Variants in CLEC16A observed in about 807,000 individuals in gnomAD.
CLEC16A encodes the protein C-type lectin domain containing 16A.
CLEC16A carries 51 observed loss-of-function variants against 109.5 expected under a neutral mutation model. The ratio of observed to expected loss-of-function variants is 0.47; its 90% CI spans 0.37 to 0.59. The LOEUF (loss-of-function observed/expected upper bound fraction) is 0.59. Among genes scored for constraint, CLEC16A ranks in the 20% least tolerant of loss-of-function variants. The pLI, the probability that CLEC16A is intolerant of heterozygous loss-of-function variation, is 0.00. For synonymous variants in CLEC16A, 673 were observed against 564.2 expected, an observed-to-expected ratio of 1.19 and a Z score of -2.73; for missense variants, 1,339 against 1,394.0, an observed-to-expected ratio of 0.96 and a Z score of 0.63.
intron 2 of CLEC16A, among the ~76,000 whole-genome samples, chr16:10,958,254 C>A (rs534872304): frequency 2.2e-4 from 33 of 152,264 alleles, no homozygotes; most frequent in Non-Finnish European, 4.4e-4. Context: ...CTGGGGGAGT[C>A]CCTGAGGGCT....
chr16:11,145,231 A>G (rs1007581106), intron 22 of CLEC16A, among the ~76,000 whole-genome samples: 3 of 152,182 alleles, frequency 2.0e-5, no homozygotes, highest in Admixed American at 1.3e-4. Context: ...TACTCCGACC[A>G]CACACAGCCC....
intron 1 of CLEC16A, among the ~76,000 whole-genome samples, chr16:10,956,480 C>T (rs2041993101): frequency 6.6e-6 from 1 of 152,146 alleles, no homozygotes; most frequent in East Asian, 1.9e-4. Flanking sequence ...GAGAGGAGGG[C>T]CCTTTTCCTG....
chr16:11,158,976 C>G (rs1344552887), intron 22 of CLEC16A, among the ~76,000 whole-genome samples: 1 of 151,724 alleles, frequency 6.6e-6, no homozygotes, highest in Non-Finnish European at 1.5e-5. Context: ...AAACGGCTCA[C>G]AAGATAGATG....
intron 19 of CLEC16A, among the ~76,000 whole-genome samples, chr16:11,068,665 CCT>C (rs2152921674): frequency 6.6e-6 from 1 of 152,326 alleles, no homozygotes; most frequent in East Asian, 1.9e-4. Context: ...CCCTGACTCC[CCT>C]CTTTCTCTCA....
At chr16:11,061,578 A>T (rs1839263904) in intron 19 of CLEC16A, among the ~76,000 whole-genome samples, 1 of 152,228 alleles carries the variant, frequency 6.6e-6, no homozygotes. Context: ...GACAATGGGC[A>T]TAAAGCCTGA....
In CLEC16A at chr16:10,978,453, G is replaced by A. The variant is rs148425411; in HGVS notation, c.904-876G>A. Among the ~76,000 whole-genome samples the A allele has an allele frequency of 1.6e-3, 246 of 152,300 alleles. 1 individual carries two copies. Among genetic ancestry groups the A allele is most frequent in the African/African-American group, 5.6e-3 (234 of 41,558 alleles). ...GTAAATAAAAGAAAGTGTATTTTTAGTAGAAACGGGGTTTCACCATGTTGG... is the reference window on the plus strand; with the variant it reads ...GTAAATAAAAGAAAGTGTATTTTTAATAGAAACGGGGTTTCACCATGTTGG... On this transcript the variant is annotated intron_variant, in intron 8 of 23. Transcript: ENST00000409790.
chr16:11,091,588 G>A (rs56792025), intron 19 of CLEC16A, among the ~76,000 whole-genome samples: 10,729 of 152,258 alleles, frequency 0.07, 385 homozygotes, highest in East Asian at 0.12. Flanking sequence ...GGGTAAATGG[G>A]TACTCCGCAG....
At chr16:11,065,162 T>G (rs1177359443) in intron 19 of CLEC16A, among the ~76,000 whole-genome samples, 2 of 152,180 alleles carry the variant, frequency 1.3e-5, no homozygotes, top group African/African-American at 4.8e-5. Flanking sequence ...CAAGCAGGCT[T>G]TGAGGAGAAA....
chr16:11,049,486 G>GTTTGTT (rs2047822058), intron 17 of CLEC16A, among the ~76,000 whole-genome samples: 1 of 151,894 alleles, frequency 6.6e-6, no homozygotes, highest in Non-Finnish European at 1.5e-5. Context: ...TTTTTTGTTT[G>GTTTGTT]TTTGTTTGTT....
intron 22 of CLEC16A, chr16:11,156,453 A>G: frequency 2.3e-6 from 1 of 437,776 alleles, no homozygotes; most frequent in South Asian, 1.9e-5. Flanking sequence ...AAGCAGGGCC[A>G]TAGTGACCCA....
In CLEC16A at chr16:11,116,950, G is replaced by A. The variant is rs190206469; in HGVS notation, c.2117-3665G>A. ...TCAACCCAGGTGCCCATCAATGGTG[G>A]ACTGAATGAAGAAAATGTAGTACGT... On this transcript the variant is annotated intron_variant, in intron 19 of 23. Transcript: ENST00000409790. 1.6e-3 allele frequency among the ~76,000 whole-genome samples: 246 copies of A among 152,304 alleles called. 2 individuals are homozygous for A. The highest frequency in any genetic ancestry group is 2.7e-3 in the Admixed American group (41 of 15,298).
chr16:11,155,391 C>T (rs925839888), intron 22 of CLEC16A, among the ~76,000 whole-genome samples: 1 of 152,222 alleles, frequency 6.6e-6, no homozygotes, highest in African/African-American at 2.4e-5. Context: ...ACCACCGTAT[C>T]CTGTAGCCAG....
chr16:11,081,096 G>T (rs768464927), intron 19 of CLEC16A, among the ~76,000 whole-genome samples: 1 of 152,332 alleles, frequency 6.6e-6, no homozygotes, highest in African/African-American at 2.4e-5. Context: ...GAACAGGCAG[G>T]CAGGAGACAG....
intron 22 of CLEC16A, chr16:11,157,308 A>G: frequency 9.6e-7 from 1 of 1,043,730 alleles, no homozygotes; most frequent in Non-Finnish European, 1.2e-6. Context: ...GGCCATACGA[A>G]CATCCCTTCC....
chr16:11,139,219 C>A (rs1216841828), intron 22 of CLEC16A, among the ~76,000 whole-genome samples: 1 of 152,084 alleles, frequency 6.6e-6, no homozygotes, highest in Non-Finnish European at 1.5e-5. Context: ...CGGGGTGGCC[C>A]ACTCATAGCT....
rs1292067359 is a variant in CLEC16A at position 11,166,442 on chromosome 16, A to G, written c.2696A>G (p.Gln899Arg). ...NQHSSPSLSS[Q>R]SPPSASGSPS... ...CACAGCTCCCCGTCCCTGTCCTCAC[A>G]GTCGCCACCCTCCGCCAGCGGGAGC... is the stretch of plus-strand genomic sequence containing the variant. Residue 899 changes from glutamine (Q) to arginine (R), a missense_variant, in exon 23 of 24, where the codon CAG becomes CGG. By Grantham distance (43) the Gln-to-Arg change is conservative. Transcript: ENST00000409790. 6.2e-7 allele frequency: 1 copy of G among 1,607,348 alleles called. No individual in the cohort carries two copies. The highest frequency in any genetic ancestry group is 8.5e-7 in the Non-Finnish European group (1 of 1,179,742).
At chr16:11,015,109 C>T (rs763167561) in intron 11 of CLEC16A, among the ~76,000 whole-genome samples, 3 of 152,176 alleles carry the variant, frequency 2.0e-5, no homozygotes, top group Non-Finnish European at 4.4e-5. Flanking sequence ...TTGGATAAAA[C>T]TATCAAAAAG....
At chr16:10,980,445 C>G (rs919430806) in intron 9 of CLEC16A, among the ~76,000 whole-genome samples, 1 of 151,928 alleles carries the variant, frequency 6.6e-6, no homozygotes, top group African/African-American at 2.4e-5. Flanking sequence ...TTCTGAGAGT[C>G]CAACAGGACC....
chr16:11,044,927 C>CA (rs71404442), intron 16 of CLEC16A, among the ~76,000 whole-genome samples: 21,308 of 86,580 alleles, frequency 0.25, 2,118 homozygotes, highest in Middle Eastern at 0.32. Flanking sequence ...AACTCCATCT[C>CA]AAAAAAAAAA....
Sources: gnomAD v4.1 joint callset for allele counts (sites outside exome capture counted in the v4.1 genomes callset) on GRCh38, gnomAD v4.1.1 for gene constraint, MANE v1.5 for transcripts, NCBI Gene and HGNC (gene_info 2026-07-23, HGNC 2026-07-21) for gene names.